RANBP3L: variants seen among roughly 807,000 people sequenced by gnomAD.
RANBP3L encodes the protein RAN binding protein 3 like, also known as ran-binding protein 3-like.
RANBP3L carries 56 observed loss-of-function variants against 67.2 expected under a neutral mutation model. The ratio of observed to expected loss-of-function variants is 0.83; its 90% CI spans 0.67 to 1.04. The LOEUF is 1.04. Among genes scored for constraint, RANBP3L ranks in the 50% least tolerant of loss-of-function variants. The probability of loss-of-function intolerance (pLI) is 0.00; values close to 1 mark genes in which losing one functional copy is unlikely to be tolerated. For synonymous variants in RANBP3L, 164 were observed against 181.4 expected, an observed-to-expected ratio of 0.90 and a Z score of 0.77; for missense variants, 496 against 535.5, an observed-to-expected ratio of 0.93 and a Z score of 0.73.
intron 7 of RANBP3L, among the ~76,000 whole-genome samples, chr5:36,261,648 T>C (rs1749395575): frequency 6.6e-6 from 1 of 152,210 alleles, no homozygotes; most frequent in African/African-American, 2.4e-5. Context: ...CCTAATCTAC[T>C]AATCAGATAA....
intron 1 of RANBP3L, among the ~76,000 whole-genome samples, chr5:36,273,301 C>T (rs1750353012): frequency 6.6e-6 from 1 of 152,074 alleles, no homozygotes; most frequent in African/African-American, 2.4e-5. Context: ...AAGCATATAA[C>T]TAAAAATGTG....
intron 1 of RANBP3L, among the ~76,000 whole-genome samples, chr5:36,275,881 GT>G (rs988590220): frequency 3.9e-5 from 6 of 152,196 alleles, no homozygotes; most frequent in Admixed American, 3.9e-4. Context: ...TGAGTCTCCT[GT>G]TTTTCCAGAA....
intron 1 of RANBP3L, among the ~76,000 whole-genome samples, chr5:36,274,777 A>G (rs112068278): frequency 0.032 from 4,843 of 151,926 alleles, 198 homozygotes; most frequent in South Asian, 0.18. Context: ...TATTGGGGGG[A>G]AGGGGCTAAG....
At chr5:36,284,633 G>A (rs755197853) in intron 1 of RANBP3L, among the ~76,000 whole-genome samples, 46 of 152,284 alleles carry the variant, frequency 3.0e-4, no homozygotes, top group Non-Finnish European at 5.4e-4. Flanking sequence ...GGCTGTATCA[G>A]TCCTGTTCCA....
At chr5:36,275,186 G>A (rs1750485030) in intron 1 of RANBP3L, among the ~76,000 whole-genome samples, 1 of 152,138 alleles carries the variant, frequency 6.6e-6, no homozygotes, top group Admixed American at 6.5e-5. Flanking sequence ...TTGTAATTCT[G>A]CTCCACAAGG....
intron 1 of RANBP3L, among the ~76,000 whole-genome samples, chr5:36,277,093 G>T (rs897353790): frequency 6.6e-6 from 1 of 152,224 alleles, no homozygotes; most frequent in Non-Finnish European, 1.5e-5. Context: ...TGCCAAATGG[G>T]TCAGCTCTAA....
At chr5:36,284,694 G>A (rs1001641700) in intron 1 of RANBP3L, among the ~76,000 whole-genome samples, 2 of 152,170 alleles carry the variant, frequency 1.3e-5, no homozygotes, top group African/African-American at 4.8e-5. Context: ...GGACATAGGG[G>A]CTAGGCAGTT....
chr5:36,253,533 C>T lies in RANBP3L; in HGVS notation c.1167+114G>A. 3.8e-6 allele frequency: 3 copies of T among 782,662 alleles called. No individual in the cohort carries two copies. The East Asian group carries it at 7.6e-5, about 20-fold the overall frequency. 48.5% of individuals were successfully genotyped at this position (782,662 alleles called of 1,614,324 possible). On this transcript the variant is annotated intron_variant, in intron 12 of 13. Coordinates refer to ENST00000296604, the MANE Select transcript of RANBP3L (RefSeq NM_145000.5). ...TGCTATAAACAGACATAATGAATGG[C>T]TGAGTTTTTGCCAATGGTACAGATT...
intron 4 of RANBP3L, among the ~76,000 whole-genome samples, chr5:36,267,672 G>C (rs1382228974): frequency 6.6e-6 from 1 of 152,090 alleles, no homozygotes; most frequent in African/African-American, 2.4e-5. Flanking sequence ...TGAGAATAGA[G>C]ATCATTTTAA....
Position 36,260,197 on chromosome 5 carries a change from C to CAA in RANBP3L, c.669+581_669+582dup, listed in dbSNP as rs35239153. 2.9e-3 allele frequency among the ~76,000 whole-genome samples: 409 copies of CAA among 139,824 alleles called. 4 individuals are homozygous for CAA. Among genetic ancestry groups the CAA allele is most frequent in the Middle Eastern group, 7.0e-3 (2 of 286 alleles). The allele number at this position is 139,824 out of a possible 152,430, so 91.7% of individuals were successfully genotyped here. A position where few individuals can be genotyped will look rare whatever the true frequency, so the allele number is the denominator to read the frequency against. On this transcript the variant is annotated intron_variant, in intron 8 of 13. Transcript: ENST00000296604. The stretch of plus-strand genomic sequence containing the variant: ...TGAAACCCCATCTCTACTAAAAATA[C>CAA]AAAAAAAAAAAAAATTAGCCAGGTG...
In RANBP3L at chr5:36,255,536, C is replaced by A. The variant is rs749462134; in HGVS notation, c.958G>T (p.Gly320Cys). 3 of 1,611,544 alleles carry A rather than the reference C, an allele frequency of 1.9e-6. No homozygotes were observed. The highest frequency in any genetic ancestry group is 1.7e-6 in the Non-Finnish European group (2 of 1,178,160). ...TCATTCAGTCTCAACGTTCCTCTGC[C>A]CCTTTCAATCCAGGATTGTGTTGTT... ...NKTTQSWIER[G>C]RGTLRLNDTA... Residue 320 changes from glycine (G) to cysteine (C), a missense_variant, in exon 11 of 14, where the codon GGC (glycine) becomes TGC (cysteine). Transcript: ENST00000296604.
chr5:36,255,311 T>C (rs1748890783), intron 11 of RANBP3L, among the ~76,000 whole-genome samples, 159 bp downstream of exon 11: 1 of 152,132 alleles, frequency 6.6e-6, no homozygotes, highest in Non-Finnish European at 1.5e-5. Context: ...CAGGAGAGCC[T>C]ACTTGAAATG....
intron 1 of RANBP3L, among the ~76,000 whole-genome samples, chr5:36,300,569 A>G (rs939116683): frequency 2.6e-5 from 4 of 152,192 alleles, no homozygotes; most frequent in African/African-American, 9.6e-5. Flanking sequence ...AGGAGAAGTT[A>G]GAAGTGTCTG....
chr5:36,295,204 T>A (rs1163524495), intron 1 of RANBP3L, among the ~76,000 whole-genome samples: 1 of 152,004 alleles, frequency 6.6e-6, no homozygotes, highest in Non-Finnish European at 1.5e-5. Context: ...AACTGCGTGA[T>A]ATGGTTTTGC....
At chr5:36,261,752 ATAATATT>A (rs1238791714) in intron 7 of RANBP3L, among the ~76,000 whole-genome samples, 180 bp downstream of exon 7, 2 of 152,198 alleles carry the variant, frequency 1.3e-5, no homozygotes, top group Non-Finnish European at 2.9e-5. Flanking sequence ...TATTAATATG[ATAATATT>A]TAAGAATCGA....
chr5:36,289,270 A>G (rs1227543927), intron 1 of RANBP3L, among the ~76,000 whole-genome samples: 1 of 152,152 alleles, frequency 6.6e-6, no homozygotes, highest in Non-Finnish European at 1.5e-5. Context: ...TTCCAATAAT[A>G]GATTTTTCTA....
chr5:36,271,137 G>T, intron 2 of RANBP3L, 116 bp downstream of exon 2: 1 of 684,188 alleles, frequency 1.5e-6, no homozygotes, highest in Non-Finnish European at 2.6e-6. Flanking sequence ...GCACTACTCT[G>T]CTAGTAAAGA....
intron 1 of RANBP3L, among the ~76,000 whole-genome samples, chr5:36,288,782 T>G (rs1217382590): frequency 6.6e-6 from 1 of 152,180 alleles, no homozygotes; most frequent in East Asian, 1.9e-4. Context: ...TTGAAGTGTT[T>G]GCCAGATCTT....
intron 1 of RANBP3L, among the ~76,000 whole-genome samples, chr5:36,295,677 T>TTG (rs1554021028): frequency 8.1e-5 from 12 of 147,906 alleles, no homozygotes; most frequent in Non-Finnish European, 1.8e-4. Context: ...TATCCTGTTT[T>TTG]TTTTTTTTTT....
Sources: gnomAD v4.1 joint callset for allele counts (sites outside exome capture counted in the v4.1 genomes callset) on GRCh38, gnomAD v4.1.1 for gene constraint, MANE v1.5 for transcripts, NCBI Gene and HGNC (gene_info 2026-07-23, HGNC 2026-07-21) for gene names.